Variants in SRGAP1 observed in about 807,000 individuals in gnomAD.
SRGAP1 encodes SLIT-ROBO Rho GTPase activating protein 1, also known as SLIT-ROBO Rho GTPase-activating protein 1.
In SRGAP1, 43 loss-of-function variants were observed where a neutral mutation model predicts 121.9. The ratio of observed to expected loss-of-function variants is 0.35; its 90% confidence interval spans 0.28 to 0.46. SRGAP1 has a LOEUF of 0.46. Ranked by LOEUF, SRGAP1 falls within the 20% of genes least tolerant of loss-of-function variation. The pLI is 1.00. For synonymous variants in SRGAP1, 447 were observed against 485.4 expected, an observed-to-expected ratio of 0.92 and a Z score of 1.04; for missense variants, 1,102 against 1,350.9, an observed-to-expected ratio of 0.82 and a Z score of 2.89.
chr12:64,102,545 A>G (rs1312567120), intron 15 of SRGAP1, among the ~76,000 whole-genome samples: 1 of 152,152 alleles, frequency 6.6e-6, no homozygotes, highest in Non-Finnish European at 1.5e-5. Context: ...GTTAGCAAAC[A>G]TTGGCAATTA....
At chr12:63,963,346 G>A (rs988729142) in intron 1 of SRGAP1, among the ~76,000 whole-genome samples, 7 of 152,272 alleles carry the variant, frequency 4.6e-5, no homozygotes, top group African/African-American at 1.7e-4. Context: ...TAAGAGCAAG[G>A]TATAATTTTT....
At chr12:63,906,883 T>A (rs996191343) in intron 1 of SRGAP1, among the ~76,000 whole-genome samples, 1 of 151,798 alleles carries the variant, frequency 6.6e-6, no homozygotes, top group African/African-American at 2.4e-5. Flanking sequence ...TATTTGTATT[T>A]TTTTTTTTTT....
chr12:63,910,335 C>T (rs2030433584), intron 1 of SRGAP1, among the ~76,000 whole-genome samples: 2 of 152,182 alleles, frequency 1.3e-5, no homozygotes, highest in African/African-American at 2.4e-5. Context: ...ATCTCTCTGG[C>T]AGCCCAATTA....
At chr12:64,060,301 G>A (rs560213319) in intron 6 of SRGAP1, among the ~76,000 whole-genome samples, 254 of 149,596 alleles carry the variant, frequency 1.7e-3, no homozygotes, top group Non-Finnish European at 2.9e-3. Flanking sequence ...TCTACCTCCC[G>A]GGATCAAGTG....
At chr12:64,138,446 CTT>C (rs60769104) in intron 21 of SRGAP1, among the ~76,000 whole-genome samples, 99 of 78,678 alleles carry the variant, frequency 1.3e-3, no homozygotes, top group African/African-American at 4.3e-3. Context: ...AATAAATTGA[CTT>C]TTTTTTTTTT....
chr12:63,846,033 A>G (rs528893693), intron 1 of SRGAP1, among the ~76,000 whole-genome samples: 1 of 152,302 alleles, frequency 6.6e-6, no homozygotes, highest in East Asian at 1.9e-4. Context: ...TGTATCATCC[A>G]GTGTGAATAC....
chr12:64,116,535 A>T (rs1021724577), intron 18 of SRGAP1, among the ~76,000 whole-genome samples: 1 of 151,946 alleles, frequency 6.6e-6, no homozygotes, highest in Non-Finnish European at 1.5e-5. Context: ...AGTTTTTTCT[A>T]CTCAGTATTA....
At chr12:64,098,633 G>A (rs1429007017) in intron 15 of SRGAP1, among the ~76,000 whole-genome samples, 1 of 151,160 alleles carries the variant, frequency 6.6e-6, no homozygotes, top group Non-Finnish European at 1.5e-5. Flanking sequence ...TCGTGCCACT[G>A]CACTCCAGCC....
chr12:63,975,927 T>C (rs2033079863), intron 1 of SRGAP1, among the ~76,000 whole-genome samples: 1 of 152,224 alleles, frequency 6.6e-6, no homozygotes, highest in African/African-American at 2.4e-5. Context: ...GATTCCTCAT[T>C]CAAATGGGGA....
intron 18 of SRGAP1, among the ~76,000 whole-genome samples, chr12:64,116,515 A>G (rs997517469): frequency 3.3e-5 from 5 of 151,480 alleles, no homozygotes; most frequent in Non-Finnish European, 2.9e-5. Flanking sequence ...TACTGTATAT[A>G]TTTTTCGTGA....
intron 6 of SRGAP1, among the ~76,000 whole-genome samples, chr12:64,051,056 G>A (rs1007211909): frequency 2.0e-5 from 3 of 152,086 alleles, no homozygotes; most frequent in Non-Finnish European, 2.9e-5. Flanking sequence ...GAAGAGACAC[G>A]GACAGGTGTT....
intron 6 of SRGAP1, among the ~76,000 whole-genome samples, chr12:64,062,350 G>A (rs973202424): frequency 6.6e-6 from 1 of 152,162 alleles, no homozygotes; most frequent in African/African-American, 2.4e-5. Context: ...TTGAAGACAT[G>A]TCTATTCAGA....
intron 1 of SRGAP1, among the ~76,000 whole-genome samples, chr12:63,848,689 C>T (rs1898982231): frequency 1.3e-5 from 2 of 152,232 alleles, no homozygotes; most frequent in South Asian, 2.1e-4. Context: ...GAAATACAAG[C>T]GTGCACCACC....
Position 64,127,891 on chromosome 12 carries a change from A to T in SRGAP1, c.2571A>T (p.Pro857=). ...RQRKRGEPPP[P]VRRPGRTSDG... The stretch of plus-strand genomic sequence containing the variant: ...GAAAAAGAGGAGAGCCACCCCCTCC[A>T]GTAAGGCGTCCTGGCAGGACCAGTG... The change falls in exon 21 of 22, where the codon CCA becomes CCT. Residue 857 remains proline (P), a synonymous_variant. Coordinates refer to ENST00000355086, the MANE Select transcript of SRGAP1 (RefSeq NM_020762.4). 1 of 1,613,094 alleles carries T rather than the reference A, an allele frequency of 6.2e-7. No homozygotes were observed. Among genetic ancestry groups the T allele is most frequent in the South Asian group, 1.1e-5 (1 of 91,032 alleles).
intron 8 of SRGAP1, among the ~76,000 whole-genome samples, chr12:64,068,335 T>TG (rs1241490549): frequency 1.3e-5 from 2 of 148,354 alleles, no homozygotes; most frequent in Non-Finnish European, 3.0e-5. Context: ...ATCTGGCCCA[T>TG]GAAAAAAAAA....
chr12:64,100,435 G>C (rs2036235853), intron 15 of SRGAP1, among the ~76,000 whole-genome samples: 3 of 152,036 alleles, frequency 2.0e-5, no homozygotes, highest in African/African-American at 7.3e-5. Flanking sequence ...CTCATGTAAG[G>C]GTACCTACAG....
At position 63,993,617 on chromosome 12, in the gene SRGAP1, A is replaced by G. The variant is rs531786928; in HGVS notation, c.426+3545A>G. On this transcript the variant is annotated intron_variant, in intron 3 of 21. Transcript: ENST00000355086. ...GATAGTTTTGGCCTCTTAAACAGCCATATCTTATACAGTTTAGTCAATGAC... is the reference window on the plus strand; with the variant it reads ...GATAGTTTTGGCCTCTTAAACAGCCGTATCTTATACAGTTTAGTCAATGAC... Among the ~76,000 whole-genome samples, 19 of 152,306 alleles carry G rather than the reference A, an allele frequency of 1.2e-4. No homozygotes were observed. In the South Asian group the frequency reaches 3.7e-3, roughly 30 times the overall value.
intron 8 of SRGAP1, among the ~76,000 whole-genome samples, chr12:64,067,478 A>G (rs1318907915): frequency 6.6e-6 from 1 of 152,198 alleles, no homozygotes; most frequent in Admixed American, 6.5e-5. Flanking sequence ...CTTAAAAAGT[A>G]ATTTTTAAAC....
intron 10 of SRGAP1, among the ~76,000 whole-genome samples, chr12:64,083,535 T>G (rs2035885732): frequency 6.6e-6 from 1 of 152,184 alleles, no homozygotes. Context: ...TGAAAACTAC[T>G]GAAATAGAAA....
Sources: allele counts gnomAD v4.1 joint callset (sites outside exome capture counted in the v4.1 genomes callset), GRCh38; gene constraint gnomAD v4.1.1; transcripts MANE v1.5; gene names NCBI Gene and HGNC (gene_info 2026-07-23, HGNC 2026-07-21).